LRP1B: variants seen among roughly 807,000 people sequenced by gnomAD.
The protein encoded by LRP1B is LDL receptor related protein 1B.
A neutral mutation model predicts 556.6 loss-of-function variants in LRP1B; 217 were observed. That is an observed-to-expected ratio of 0.39 (90% CI 0.35 to 0.44). The LOEUF (loss-of-function observed/expected upper bound fraction) is 0.44, where lower values mean the gene tolerates loss of function less well. Among genes scored for constraint, LRP1B ranks in the 20% least tolerant of loss-of-function variants. LRP1B has a pLI of 1.00. For missense variants in LRP1B, 5,053 were observed against 5,620.8 expected (o/e 0.90, Z 3.23); for synonymous variants, 2,047 against 1,865.8 (o/e 1.10, Z -2.50).
intron 2 of LRP1B, among the ~76,000 whole-genome samples, chr2:141,772,603 G>A (rs1282598246): frequency 6.6e-6 from 1 of 152,174 alleles, no homozygotes; most frequent in Non-Finnish European, 1.5e-5. Flanking sequence ...TAAAGTTTGA[G>A]AATCACTGCT....
chr2:141,946,223 C>A (rs565338628), intron 1 of LRP1B, among the ~76,000 whole-genome samples: 94 of 152,232 alleles, frequency 6.2e-4, no homozygotes, highest in Admixed American at 1.4e-3. Context: ...GCTCCATTCC[C>A]TTTATCTTCT....
chr2:141,367,340 C>G (rs898859557), intron 3 of LRP1B, among the ~76,000 whole-genome samples: 7 of 151,956 alleles, frequency 4.6e-5, no homozygotes, highest in African/African-American at 1.7e-4. Context: ...AAAATAAGAA[C>G]TTAAATTAGA....
chr2:142,119,442 G>A (rs750481988), intron 1 of LRP1B, among the ~76,000 whole-genome samples: 37 of 151,958 alleles, frequency 2.4e-4, no homozygotes, highest in Admixed American at 7.2e-4. Context: ...GATATTTTGG[G>A]GATTAAGCTG....
At chr2:141,045,023 A>C (rs1483067389) in intron 11 of LRP1B, among the ~76,000 whole-genome samples, 1 of 151,638 alleles carries the variant, frequency 6.6e-6, no homozygotes, top group Non-Finnish European at 1.5e-5. Flanking sequence ...ACCAACCCAA[A>C]TGTCCAACAA....
intron 3 of LRP1B, among the ~76,000 whole-genome samples, chr2:141,430,098 T>A (rs551327310): frequency 5.3e-5 from 8 of 152,224 alleles, no homozygotes; most frequent in Admixed American, 3.9e-4. Flanking sequence ...AAAAAGTAAA[T>A]ATCCAAGTTC....
chr2:141,352,417 A>C (rs1346180352), intron 3 of LRP1B, among the ~76,000 whole-genome samples: 1 of 151,876 alleles, frequency 6.6e-6, no homozygotes, highest in African/African-American at 2.4e-5. Context: ...TAGATTTATA[A>C]AAAAGTTGCA....
chr2:141,812,518 TG>T (rs1158694310), intron 1 of LRP1B, among the ~76,000 whole-genome samples: 1 of 152,054 alleles, frequency 6.6e-6, no homozygotes, highest in Non-Finnish European at 1.5e-5. Context: ...CCATAGTGTG[TG>T]ACTCAGTGAA....
Position 140,421,135 on chromosome 2 carries a change from A to C in LRP1B, c.10414+21369T>G, listed in dbSNP as rs1685423590. Among the ~76,000 whole-genome samples, 3 of 152,192 alleles carry C rather than the reference A, an allele frequency of 2.0e-5. No individual in the cohort carries two copies. The South Asian group carries it at 6.2e-4, about 32-fold the overall frequency. On this transcript the variant is annotated intron_variant, in intron 66 of 90. Transcript: ENST00000389484. ...GCCAGGGATGGTGGTGCGTGTCTGT[A>C]GTCCATCCACTCGGGAGGCTGAGGC... is the stretch of plus-strand genomic sequence containing the variant.
At chr2:140,379,951 T>C (rs993249859) in intron 67 of LRP1B, among the ~76,000 whole-genome samples, 3 of 152,020 alleles carry the variant, frequency 2.0e-5, no homozygotes, top group Admixed American at 2.0e-4. Flanking sequence ...TATAAGGTAT[T>C]CACATAGATT....
chr2:140,455,761 A>G (rs1408124676), intron 62 of LRP1B, among the ~76,000 whole-genome samples: 1 of 152,190 alleles, frequency 6.6e-6, no homozygotes, highest in Non-Finnish European at 1.5e-5. Context: ...CAGCAAACTC[A>G]AACATAGAAT....
At chr2:140,281,571 A>T (rs1012728334) in intron 84 of LRP1B, among the ~76,000 whole-genome samples, 1 of 151,876 alleles carries the variant, frequency 6.6e-6, no homozygotes, top group Admixed American at 6.6e-5. Flanking sequence ...ATGAATGGAC[A>T]CTTATTGTTC....
intron 7 of LRP1B, among the ~76,000 whole-genome samples, chr2:141,074,734 T>G (rs952343208): frequency 3.3e-5 from 5 of 151,776 alleles, no homozygotes; most frequent in Middle Eastern, 3.4e-3. Flanking sequence ...GAAGTTAGGT[T>G]AAAGGGTAAA....
At chr2:141,378,731 G>C (rs2104882127) in intron 3 of LRP1B, among the ~76,000 whole-genome samples, 1 of 152,280 alleles carries the variant, frequency 6.6e-6, no homozygotes, top group East Asian at 1.9e-4. Flanking sequence ...TTGAATATCA[G>C]AAGAAAGAAT....
chr2:141,659,923 G>A (rs1463686840), intron 2 of LRP1B, among the ~76,000 whole-genome samples: 1 of 152,144 alleles, frequency 6.6e-6, no homozygotes, highest in African/African-American at 2.4e-5. Flanking sequence ...CAGGTCCCAG[G>A]AGGAAATTAA....
At chr2:140,464,198 T>A (rs141318890) in intron 60 of LRP1B, among the ~76,000 whole-genome samples, 9,697 of 150,584 alleles carry the variant, frequency 0.064, 399 homozygotes, top group African/African-American at 0.079. Flanking sequence ...TTGTCTCAAA[T>A]AATAATAATA....
chr2:141,272,018 A>AGAG (rs1685110196), intron 3 of LRP1B, among the ~76,000 whole-genome samples: 1 of 152,066 alleles, frequency 6.6e-6, no homozygotes, highest in Admixed American at 6.5e-5. Flanking sequence ...GAAACAATGA[A>AGAG]GAGAATCAGA....
intron 66 of LRP1B, among the ~76,000 whole-genome samples, chr2:140,395,476 T>C (rs958978086): frequency 5.3e-5 from 8 of 152,234 alleles, no homozygotes; most frequent in Non-Finnish European, 8.8e-5. Flanking sequence ...TATTCCTCAA[T>C]GAGCACTTAC....
intron 1 of LRP1B, among the ~76,000 whole-genome samples, chr2:142,077,672 A>G (rs1431032386): frequency 6.6e-6 from 1 of 152,110 alleles, no homozygotes; most frequent in African/African-American, 2.4e-5. Context: ...AGTCAATGAT[A>G]AAGCCTTCTC....
At chr2:140,595,169 G>A (rs1192987500) in intron 43 of LRP1B, among the ~76,000 whole-genome samples, 1 of 134,318 alleles carries the variant, frequency 7.4e-6, no homozygotes, top group Non-Finnish European at 1.6e-5. Context: ...ATAAAATAAG[G>A]AGTAGAAAAA....
Sources: gnomAD v4.1 joint callset for allele counts (sites outside exome capture counted in the v4.1 genomes callset) on GRCh38, gnomAD v4.1.1 for gene constraint, MANE v1.5 for transcripts, NCBI Gene and HGNC (gene_info 2026-07-23, HGNC 2026-07-21) for gene names.